Variants in KCNU1 observed in about 807,000 individuals in gnomAD.
KCNU1 encodes potassium calcium-activated channel subfamily U member 1.
Under a neutral mutation model 126.8 loss-of-function variants are expected in KCNU1, and 93 were observed. The ratio of observed to expected loss-of-function variants is 0.73; its 90% CI spans 0.62 to 0.87. The LOEUF (loss-of-function observed/expected upper bound fraction) is 0.87. Ranked by LOEUF, KCNU1 falls within the 40% of genes least tolerant of loss-of-function variation. The pLI is 0.00. For synonymous variants in KCNU1, 523 were observed against 494.2 expected (o/e 1.06, Z -0.77); for missense variants, 1,330 against 1,367.1 (o/e 0.97, Z 0.43).
In KCNU1 at chr8:36,922,498, T is replaced by C. The variant is rs1489255690; in HGVS notation, c.2605T>C (p.Ser869Pro). The change falls in exon 24 of 27, where the codon TCC becomes CCC. Residue 869 changes from serine to proline, a missense_variant. This residue lies in a region of KCNU1 where 1,054 missense variants were observed against 1,053.9 expected (regional missense o/e 1.00). Coordinates refer to ENST00000399881, the MANE Select transcript of KCNU1 (RefSeq NM_001031836.3). ...TGCCTCTTGCCTTGCAGAAAATCCT[T>C]CCAACATTCACTTTATTGAACAGCT... ...VPILTELKNP[S>P]NIHFIEQLGG... 2 of 1,610,726 alleles carry C rather than the reference T, an allele frequency of 1.2e-6. No individual in the cohort carries two copies. The highest frequency in any genetic ancestry group is 2.2e-5 in the South Asian group (2 of 90,392).
chr8:36,827,301 C>T (rs1804361442), intron 10 of KCNU1, among the ~76,000 whole-genome samples: 1 of 152,202 alleles, frequency 6.6e-6, no homozygotes, highest in African/African-American at 2.4e-5. Flanking sequence ...TTTTACCCTT[C>T]TTCTTTGCTT....
chr8:36,894,547 C>G (rs1228310471), intron 19 of KCNU1, among the ~76,000 whole-genome samples: 1 of 152,094 alleles, frequency 6.6e-6, no homozygotes, highest in African/African-American at 2.4e-5. Context: ...ATATCAATAT[C>G]ACTTAAAAAT....
At chr8:36,923,070 A>C in intron 24 of KCNU1, 1 of 456,966 alleles carries the variant, frequency 2.2e-6, no homozygotes, top group Admixed American at 2.3e-5. Context: ...AGCTAAGTCA[A>C]ATCTCCCTCC....
intron 7 of KCNU1, among the ~76,000 whole-genome samples, chr8:36,812,806 G>C (rs1803772966): frequency 6.6e-6 from 1 of 152,154 alleles, no homozygotes; most frequent in African/African-American, 2.4e-5. Flanking sequence ...GAGATACTGA[G>C]AAAGTGGAAA....
At chr8:36,927,246 T>C (rs1047015076) in intron 24 of KCNU1, among the ~76,000 whole-genome samples, 4 of 152,200 alleles carry the variant, frequency 2.6e-5, no homozygotes, top group African/African-American at 7.2e-5. Context: ...AATAGGTTTT[T>C]CCCTCCAAAC....
At chr8:36,826,021 T>A (rs1804306461) in intron 10 of KCNU1, among the ~76,000 whole-genome samples, 1 of 152,014 alleles carries the variant, frequency 6.6e-6, no homozygotes, top group South Asian at 2.1e-4. Context: ...AATTTACCTC[T>A]GGATTGGTGT....
intron 2 of KCNU1, among the ~76,000 whole-genome samples, chr8:36,799,832 C>T (rs938589216): frequency 7.2e-5 from 11 of 151,986 alleles, no homozygotes; most frequent in Middle Eastern, 3.2e-3. Context: ...TTAGTCACCG[C>T]GCCCAGCCCT....
chr8:36,836,504 A>C (rs1804754609), intron 13 of KCNU1, 139 bp downstream of exon 13: 1 of 631,686 alleles, frequency 1.6e-6, no homozygotes, highest in African/African-American at 1.8e-5. Context: ...AAGATGGATA[A>C]TCACTTAACA....
chr8:36,813,233 A>G (rs1803787075), intron 7 of KCNU1, among the ~76,000 whole-genome samples: 1 of 152,140 alleles, frequency 6.6e-6, no homozygotes, highest in Non-Finnish European at 1.5e-5. Context: ...TTAAGAAAGG[A>G]TCAGCACTTG....
intron 10 of KCNU1, 138 bp from the exon 11 acceptor site, chr8:36,833,416 A>G (rs1804627383): frequency 4.3e-6 from 2 of 463,006 alleles, no homozygotes; most frequent in Non-Finnish European, 8.0e-6. Flanking sequence ...TTTTAAAAAA[A>G]TAGTATTAAC....
chr8:36,836,723 A>G, intron 13 of KCNU1, 70 bp from the exon 14 acceptor site: 1 of 1,322,748 alleles, frequency 7.6e-7, no homozygotes, highest in Non-Finnish European at 1.1e-6. Flanking sequence ...AAAGAAAGAC[A>G]TCCATCCTCA....
At chr8:36,872,700 T>C (rs1196829531) in intron 19 of KCNU1, among the ~76,000 whole-genome samples, 4 of 152,178 alleles carry the variant, frequency 2.6e-5, no homozygotes, top group Admixed American at 6.5e-5. Flanking sequence ...CATAAAATAA[T>C]TGAAGTCAAG....
At chr8:36,819,663 C>T (rs990199755) in intron 10 of KCNU1, among the ~76,000 whole-genome samples, 8 of 152,310 alleles carry the variant, frequency 5.3e-5, no homozygotes, top group Middle Eastern at 3.4e-3. Context: ...ATCCTTCCCA[C>T]TCAGAGAGAC....
chr8:36,828,177 A>G (rs1350667747), intron 10 of KCNU1, among the ~76,000 whole-genome samples: 1 of 152,038 alleles, frequency 6.6e-6, no homozygotes, highest in Non-Finnish European at 1.5e-5. Flanking sequence ...ACTAAGATTT[A>G]GTTTTCTTCT....
At chr8:36,914,046 C>G (rs962534055) in intron 22 of KCNU1, among the ~76,000 whole-genome samples, 13 of 152,134 alleles carry the variant, frequency 8.5e-5, no homozygotes, top group African/African-American at 2.4e-4. Flanking sequence ...TTCACAGAAG[C>G]CTGTTTGGCT....
intron 5 of KCNU1, 37 bp downstream of exon 5, chr8:36,806,417 A>C: frequency 9.8e-7 from 1 of 1,023,070 alleles, no homozygotes; most frequent in Non-Finnish European, 1.5e-6. Flanking sequence ...AATATCTATG[A>C]ATAAAATAAA....
intron 10 of KCNU1, among the ~76,000 whole-genome samples, chr8:36,821,978 A>C (rs528306669): frequency 9.2e-5 from 14 of 152,238 alleles, no homozygotes; most frequent in African/African-American, 3.4e-4. Flanking sequence ...CCACGTTTTC[A>C]ACTTATGATG....
intron 21 of KCNU1, 96 bp from the exon 22 acceptor site, chr8:36,910,834 C>A: frequency 1.2e-6 from 1 of 842,648 alleles, no homozygotes; most frequent in Non-Finnish European, 1.8e-6. Flanking sequence ...GCTCAAAGCT[C>A]AAAAATTACA....
rs200060902 is a variant in KCNU1 at position 36,817,717 on chromosome 8, G to A, written c.1063G>A (p.Asp355Asn). Residue 355 changes from aspartate (D) to asparagine (N), a missense_variant, in exon 10 of 27, where the codon GAC (aspartate) becomes AAC (asparagine). By Grantham distance (23) the Asp-to-Asn change is conservative. Transcript: ENST00000399881. ...VTAFLRNFLR[D>N]KSGEINTEIV... ...CGCTTTCCTGAGGAATTTCCTCCGC[G>A]ACAAGTCAGGAGAGATCAACACTGA... is the stretch of plus-strand genomic sequence containing the variant. 3.6e-4 allele frequency: 580 copies of A among 1,610,010 alleles called. 1 individual carries two copies. The highest frequency in any genetic ancestry group is 4.7e-4 in the Non-Finnish European group (557 of 1,177,266).
Sources: gnomAD v4.1 joint callset for allele counts (sites outside exome capture counted in the v4.1 genomes callset) on GRCh38, gnomAD v4.1.1 for gene constraint, gnomAD v4.1.1 regional missense constraint, MANE v1.5 for transcripts, NCBI Gene and HGNC (gene_info 2026-07-23, HGNC 2026-07-21) for gene names.